The following CAST variants were observed in gnomAD, a reference collection of about 807,000 sequenced individuals.
CAST encodes calpastatin.
Under a neutral mutation model 119.6 loss-of-function variants are expected in CAST, and 76 were observed. That is an observed-to-expected ratio of 0.64 (90% confidence interval 0.53 to 0.77). CAST has a LOEUF of 0.77. CAST is among the 30% of genes least tolerant of loss of function. The probability of loss-of-function intolerance (pLI) is 0.00; values close to 1 mark genes in which losing one functional copy is unlikely to be tolerated. For missense variants in CAST, 953 were observed against 946.5 expected, an observed-to-expected ratio of 1.01 and a Z score of -0.09; for synonymous variants, 319 against 331.6, an observed-to-expected ratio of 0.96 and a Z score of 0.41.
intron 24 of CAST, among the ~76,000 whole-genome samples, chr5:96,760,138 T>A (rs1767426476): frequency 6.6e-6 from 1 of 151,982 alleles, no homozygotes; most frequent in East Asian, 1.9e-4. Flanking sequence ...CTATGAGTAA[T>A]TATGGTGCTA....
At chr5:96,728,938 A>C (rs1181625118) in intron 6 of CAST, 2 of 502,338 alleles carry the variant, frequency 4.0e-6, no homozygotes, top group Non-Finnish European at 7.2e-6. Flanking sequence ...CATTATTCTG[A>C]TAATCACCAT....
the CAST span, among the ~76,000 whole-genome samples, chr5:96,505,486 A>G: frequency 1.3e-5 from 2 of 152,192 alleles, no homozygotes; most frequent in Admixed American, 1.3e-4. Context: ...CTCAAAAAAA[A>G]TAATAAAAAT....
chr5:96,575,820 A>T (rs1459611087), intron 1 of CAST, among the ~76,000 whole-genome samples: 1 of 151,700 alleles, frequency 6.6e-6, no homozygotes, highest in Non-Finnish European at 1.5e-5. Flanking sequence ...TTTTTTAATC[A>T]TTTGTAGCAA....
chr5:96,658,955 T>C (rs1319633300), upstream of CAST, among the ~76,000 whole-genome samples: 1 of 152,260 alleles, frequency 6.6e-6, no homozygotes, highest in African/African-American at 2.4e-5. Context: ...GGTATCTACC[T>C]GGATGTTTCT....
At chr5:96,535,723 G>A (rs973653496) in intron 1 of CAST, among the ~76,000 whole-genome samples, 50 of 151,846 alleles carry the variant, frequency 3.3e-4, no homozygotes, top group African/African-American at 9.2e-4. Flanking sequence ...ACAGGCGCCC[G>A]CCACCAAGCC....
chr5:96,040,383 G>T, the CAST span, among the ~76,000 whole-genome samples: 3 of 152,078 alleles, frequency 2.0e-5, no homozygotes, highest in African/African-American at 7.2e-5. Context: ...TTGCCTGACT[G>T]CCCTGGCCAG....
intron 2 of CAST, among the ~76,000 whole-genome samples, chr5:96,680,166 T>C (rs967743954): frequency 4.6e-5 from 7 of 150,774 alleles, no homozygotes; most frequent in African/African-American, 1.5e-4. Flanking sequence ...CTGGCCGATA[T>C]GGTGAAACCC....
chr5:96,536,025 T>G (rs1044165957), intron 1 of CAST, among the ~76,000 whole-genome samples: 1 of 139,080 alleles, frequency 7.2e-6, no homozygotes, highest in Non-Finnish European at 1.5e-5. Flanking sequence ...ATGTTAAATA[T>G]TTAAGGTTTT....
chr5:95,974,794 A>AT, the CAST span, among the ~76,000 whole-genome samples: 1 of 152,250 alleles, frequency 6.6e-6, no homozygotes, highest in African/African-American at 2.4e-5. Flanking sequence ...GTTTACAACC[A>AT]TAAGGACAAG....
the CAST span, among the ~76,000 whole-genome samples, chr5:96,029,820 G>A: frequency 1.3e-5 from 2 of 152,078 alleles, no homozygotes; most frequent in African/African-American, 4.8e-5. Flanking sequence ...ACATGTTTGA[G>A]TATGGCATGT....
chr5:96,278,908 T>A, the CAST span, among the ~76,000 whole-genome samples: 2 of 152,218 alleles, frequency 1.3e-5, no homozygotes, highest in East Asian at 3.8e-4. Context: ...TCATATCCTA[T>A]AGCTTAAAAA....
the CAST span, among the ~76,000 whole-genome samples, chr5:96,133,647 A>G: frequency 6.6e-6 from 1 of 152,214 alleles, no homozygotes; most frequent in Non-Finnish European, 1.5e-5. Context: ...AGGCTATAAT[A>G]AAATCTTCAT....
chr5:96,084,583 TG>T, the CAST span, among the ~76,000 whole-genome samples: 5 of 152,220 alleles, frequency 3.3e-5, no homozygotes, highest in African/African-American at 1.2e-4. Flanking sequence ...TCTGGCTAAT[TG>T]GATCAGAGAA....
chr5:96,500,147 A>T, the CAST span, among the ~76,000 whole-genome samples: 1 of 152,192 alleles, frequency 6.6e-6, no homozygotes. Flanking sequence ...ATAACAGATA[A>T]AATAATGATG....
At chr5:96,279,899 A>G in the CAST span, among the ~76,000 whole-genome samples, 3 of 152,248 alleles carry the variant, frequency 2.0e-5, no homozygotes, top group Admixed American at 2.0e-4. Context: ...TTTAGAGTTC[A>G]GATAGCCCCA....
At chr5:96,249,589 C>A in the CAST span, among the ~76,000 whole-genome samples, 43 of 152,094 alleles carry the variant, frequency 2.8e-4, no homozygotes, top group Non-Finnish European at 5.4e-4. Flanking sequence ...TAAATTTGGA[C>A]AAATTGAAGA....
chr5:96,364,650 C>T, the CAST span, among the ~76,000 whole-genome samples: 3 of 152,212 alleles, frequency 2.0e-5, no homozygotes, highest in East Asian at 5.8e-4. Context: ...GTTTGTATTT[C>T]TGTGGGATTG....
At chr5:96,421,534 C>T in the CAST span, among the ~76,000 whole-genome samples, 49 of 152,218 alleles carry the variant, frequency 3.2e-4, no homozygotes, top group African/African-American at 1.2e-3. Flanking sequence ...AAGCATGTTG[C>T]TAAGAGTAAA....
chr5:96,609,690 G>C (rs1747324707), intron 1 of CAST, among the ~76,000 whole-genome samples: 1 of 152,324 alleles, frequency 6.6e-6, no homozygotes, highest in East Asian at 1.9e-4. Context: ...GTGACATTAA[G>C]TGGATCTTTC....
Sources: allele counts gnomAD v4.1 joint callset (sites outside exome capture counted in the v4.1 genomes callset), GRCh38; gene constraint gnomAD v4.1.1; transcripts MANE v1.5; gene names NCBI Gene and HGNC (gene_info 2026-07-23, HGNC 2026-07-21).